Variants in RFC1 observed in about 807,000 individuals in gnomAD.
RFC1 encodes A1 140 kDa subunit.
RFC1 carries 37 observed loss-of-function variants against 137.4 expected under a neutral mutation model. The observed-to-expected ratio is 0.27, with a 90% CI of 0.21 to 0.35. The LOEUF is 0.35. Ranked by LOEUF, RFC1 falls within the 10% of genes least tolerant of loss-of-function variation. The pLI is 1.00. For missense variants in RFC1, 1,205 were observed against 1,358.5 expected, an observed-to-expected ratio of 0.89 and a Z score of 1.78; for synonymous variants, 429 against 455.7, an observed-to-expected ratio of 0.94 and a Z score of 0.75.
chr4:39,358,017 G>C (rs918095060), intron 1 of RFC1, among the ~76,000 whole-genome samples: 4 of 152,054 alleles, frequency 2.6e-5, no homozygotes, highest in African/African-American at 9.7e-5. Context: ...GCTCACACCT[G>C]TAATCCCAGC....
At chr4:39,313,365 A>G (rs1739063216) in intron 10 of RFC1, among the ~76,000 whole-genome samples, 1 of 152,206 alleles carries the variant, frequency 6.6e-6, no homozygotes. Context: ...AAGCAGGTAT[A>G]CTCCTATCAT....
At chr4:39,348,429 GAAAAGAAAAGAAAA>G (rs1740984541) in intron 2 of RFC1, among the ~76,000 whole-genome samples, 2 of 38,540 alleles carry the variant, frequency 5.2e-5, no homozygotes, top group Non-Finnish European at 1.2e-4. Flanking sequence ...TTTCAAAAAA[GAAAAGAAAAGAAAA>G]GAAAAGAAAA....
At chr4:39,313,293 G>A (rs1739060075) in intron 10 of RFC1, among the ~76,000 whole-genome samples, 1 of 152,182 alleles carries the variant, frequency 6.6e-6, no homozygotes, top group South Asian at 2.1e-4. Context: ...TCCATCTGTA[G>A]AAACTCTTGC....
intron 23 of RFC1, among the ~76,000 whole-genome samples, chr4:39,290,700 A>AG (rs1396095556): frequency 7.9e-5 from 12 of 151,546 alleles, no homozygotes; most frequent in African/African-American, 2.9e-4. Context: ...CTGTAATCCC[A>AG]GCTACTTGGG....
intron 15 of RFC1, 76 bp from the exon 16 acceptor site, chr4:39,303,227 A>G: frequency 1.1e-6 from 1 of 936,668 alleles, no homozygotes; most frequent in South Asian, 1.3e-5. Context: ...CTCTGTAGAA[A>G]ATTATGTAAC....
At position 39,342,507 on chromosome 4, in the gene RFC1, A is replaced by G. The variant is rs1316326863; in HGVS notation, c.209-40T>C. 3 of 1,596,456 alleles carry G rather than the reference A, an allele frequency of 1.9e-6. No individual in the cohort carries two copies. In the African/African-American group the frequency reaches 4.0e-5, roughly 21 times the overall value. On this transcript the variant is annotated intron_variant, in intron 3 of 24. Transcript: ENST00000349703. ...AAAATAAAACAAAACTTTGAAAAGA[A>G]CTATTATAATATAGTGCATGTTTAA...
At chr4:39,334,504 A>G (rs566650778) in intron 4 of RFC1, among the ~76,000 whole-genome samples, 158 of 152,294 alleles carry the variant, frequency 1.0e-3, no homozygotes, top group African/African-American at 3.3e-3. Flanking sequence ...TAAAATAAAT[A>G]TTTTACAATC....
chr4:39,333,008 A>T (rs745931409), intron 4 of RFC1, among the ~76,000 whole-genome samples: 23 of 152,346 alleles, frequency 1.5e-4, no homozygotes, highest in Non-Finnish European at 2.6e-4. Flanking sequence ...GCACCTAGCC[A>T]TGTTACAGCC....
intron 14 of RFC1, among the ~76,000 whole-genome samples, chr4:39,305,364 T>G (rs1177408063): frequency 6.6e-6 from 1 of 152,132 alleles, no homozygotes; most frequent in Non-Finnish European, 1.5e-5. Context: ...CCAGCGCTTT[T>G]GGGAGTCCAA....
chr4:39,342,579 G>T, intron 3 of RFC1, 112 bp from the exon 4 acceptor site: 1 of 1,016,926 alleles, frequency 9.8e-7, no homozygotes, highest in Non-Finnish European at 1.4e-6. Flanking sequence ...CAAGGCACAT[G>T]TCTTCTGTGA....
intron 11 of RFC1, 33 bp from the exon 12 acceptor site, chr4:39,311,582 C>T: frequency 1.3e-6 from 2 of 1,531,774 alleles, no homozygotes; most frequent in Non-Finnish European, 1.8e-6. Flanking sequence ...ATCAAAACTG[C>T]ATCCTGCATC....
chr4:39,302,253 A>C, intron 19 of RFC1, 25 bp downstream of exon 19: 2 of 1,468,092 alleles, frequency 1.4e-6, no homozygotes, highest in Non-Finnish European at 1.9e-6. Context: ...TAGGAAAGTA[A>C]CTAAGACATG....
intron 1 of RFC1, among the ~76,000 whole-genome samples, chr4:39,357,655 C>A (rs941666575): frequency 6.6e-6 from 1 of 150,900 alleles, no homozygotes; most frequent in South Asian, 2.1e-4. Flanking sequence ...CTTGCACTGT[C>A]GCCCAGGCTG....
chr4:39,351,282 A>ATTACAAT, intron 2 of RFC1, 66 bp downstream of exon 2: 3 of 535,050 alleles, frequency 5.6e-6, no homozygotes, highest in Non-Finnish European at 8.1e-6. Context: ...AAAAAAAAAA[A>ATTACAAT]AAACTTATAA....
At chr4:39,361,998 C>T (rs748961363) in intron 1 of RFC1, among the ~76,000 whole-genome samples, 2 of 151,950 alleles carry the variant, frequency 1.3e-5, no homozygotes, top group Non-Finnish European at 2.9e-5. Flanking sequence ...AAGATGGTGC[C>T]ACTGCACCCC....
chr4:39,290,100 T>C, intron 23 of RFC1, 61 bp from the exon 24 acceptor site: 3 of 1,274,968 alleles, frequency 2.4e-6, no homozygotes, highest in Non-Finnish European at 3.3e-6. Context: ...TCTTTTAAAC[T>C]CTGTAAGCCT....
chr4:39,347,909 G>A (rs1212058665), intron 2 of RFC1, among the ~76,000 whole-genome samples: 5 of 152,178 alleles, frequency 3.3e-5, no homozygotes, highest in African/African-American at 1.2e-4. Flanking sequence ...GCCAAGTTGT[G>A]TCCTAGTGCT....
chr4:39,326,736 G>C, intron 5 of RFC1, 96 bp from the exon 6 acceptor site: 1 of 882,170 alleles, frequency 1.1e-6, no homozygotes. Flanking sequence ...ACACCAGTGA[G>C]AGATAAGTGT....
intron 7 of RFC1, chr4:39,322,269 G>A (rs953790016): frequency 6.6e-5 from 10 of 152,056 alleles, no homozygotes; most frequent in African/African-American, 2.4e-4. Context: ...TTAGCTGGGT[G>A]TGGTAACACA....
Sources: allele counts gnomAD v4.1 joint callset (sites outside exome capture counted in the v4.1 genomes callset), GRCh38; gene constraint gnomAD v4.1.1; transcripts MANE v1.5; gene names NCBI Gene and HGNC (gene_info 2026-07-23, HGNC 2026-07-21).